The following CELF2 variants were observed in gnomAD, a reference collection of about 807,000 sequenced individuals.
The protein encoded by CELF2 is CUGBP Elav-like family member 2, also known as CUG triplet repeat RNA-binding protein 2.
In CELF2, 8 loss-of-function variants were observed where a neutral mutation model predicts 62.6. The observed-to-expected ratio is 0.13, with a 90% CI of 0.07 to 0.23. CELF2 has a LOEUF of 0.23. Among genes scored for constraint, CELF2 ranks in the 10% least tolerant of loss-of-function variants. The probability of loss-of-function intolerance (pLI) is 1.00; values close to 1 mark genes in which losing one functional copy is unlikely to be tolerated. For missense variants in CELF2, 333 were observed against 671.0 expected (o/e 0.50, Z 5.56); for synonymous variants, 258 against 250.0 (o/e 1.03, Z -0.30).
chr10:11,256,130 C>T (rs2078670257), intron 4 of CELF2, among the ~76,000 whole-genome samples: 1 of 152,266 alleles, frequency 6.6e-6, no homozygotes, highest in South Asian at 2.1e-4. Flanking sequence ...CTAGGCCCTT[C>T]AGGGCCGTGC....
At chr10:10,933,484 A>G (rs1253914236) in intron 2 of CELF2, among the ~76,000 whole-genome samples, 3 of 152,180 alleles carry the variant, frequency 2.0e-5, no homozygotes, top group Non-Finnish European at 4.4e-5. Context: ...ATAACATTTT[A>G]TAATTTTATA....
At position 11,318,895 on chromosome 10, in the gene CELF2, C is replaced by A; in HGVS notation, c.1097-2294C>A. On this transcript the variant is annotated intron_variant, in intron 10 of 12. Transcript: ENST00000633077. The surrounding 1 kb of genome is among the most constrained non-coding windows in gnomAD (Gnocchi z 5.4). The stretch of plus-strand genomic sequence containing the variant: ...CAGGAAGGATCCCCCGTGGGTCTCA[C>A]ATGACAGGGCCTGAAAACTCCCACC... 2.1e-6 allele frequency: 1 copy of A among 471,190 alleles called. No homozygotes were observed. The highest frequency in any genetic ancestry group is 1.5e-5 in the South Asian group (1 of 64,570). The allele number at this position is 471,190 out of a possible 1,614,324, so 29.2% of individuals were successfully genotyped here.
intron 2 of CELF2, among the ~76,000 whole-genome samples, chr10:10,973,280 C>CA (rs113845189): frequency 0.13 from 19,920 of 151,224 alleles, 4,456 homozygotes; most frequent in African/African-American, 0.46. Context: ...GACTCTGTCT[C>CA]AAAAAAACAA....
At chr10:10,840,230 G>A (rs886403844) in intron 1 of CELF2, among the ~76,000 whole-genome samples, 1 of 152,216 alleles carries the variant, frequency 6.6e-6, no homozygotes, top group Non-Finnish European at 1.5e-5. Flanking sequence ...TAACCTAGGA[G>A]CCTTATTGCT....
the CELF2 span, among the ~76,000 whole-genome samples, chr10:10,734,411 A>T: frequency 5.2e-4 from 79 of 152,144 alleles, no homozygotes; most frequent in Admixed American, 8.5e-4. Flanking sequence ...CACTGTCCAT[A>T]CACATCTGGT....
At chr10:10,967,102 C>G (rs1411372164) in intron 2 of CELF2, among the ~76,000 whole-genome samples, 1 of 152,186 alleles carries the variant, frequency 6.6e-6, no homozygotes, top group Non-Finnish European at 1.5e-5. Context: ...CACGGAGACT[C>G]CGGTGCTGCC....
At chr10:10,801,655 G>T (rs190563132) in intron 1 of CELF2, among the ~76,000 whole-genome samples, 338 of 152,288 alleles carry the variant, frequency 2.2e-3, no homozygotes, top group African/African-American at 7.9e-3. Flanking sequence ...ATTAACAAAT[G>T]AGTAGAACAT....
At chr10:10,610,292 A>G in the CELF2 span, among the ~76,000 whole-genome samples, 1 of 152,220 alleles carries the variant, frequency 6.6e-6, no homozygotes, top group Non-Finnish European at 1.5e-5. Context: ...CATGGTATGA[A>G]GAATTAAAAT....
chr10:11,060,082 G>T (rs2066363577), intron 1 of CELF2, among the ~76,000 whole-genome samples: 1 of 152,212 alleles, frequency 6.6e-6, no homozygotes, highest in Admixed American at 6.5e-5. Flanking sequence ...AGTTGGTGCT[G>T]TTGACTTCCT....
chr10:10,507,853 G>A, the CELF2 span, among the ~76,000 whole-genome samples: 1 of 152,162 alleles, frequency 6.6e-6, no homozygotes, highest in African/African-American at 2.4e-5. Context: ...GATCAGATGT[G>A]ATCTTTAATA....
chr10:10,687,994 AAAGT>A, the CELF2 span, among the ~76,000 whole-genome samples: 3 of 152,240 alleles, frequency 2.0e-5, no homozygotes, highest in Non-Finnish European at 4.4e-5. Flanking sequence ...TGTTCTTTCT[AAAGT>A]ACAGACTCAC....
In CELF2 at chr10:10,876,794, G is replaced by C. The variant is rs956541498; in HGVS notation, c.54-43170G>C. Among the ~76,000 whole-genome samples, 6 of 152,192 alleles carry C rather than the reference G, an allele frequency of 3.9e-5. 1 individual carries two copies. Among genetic ancestry groups the C allele is most frequent in the Admixed American group, 3.3e-4 (5 of 15,280 alleles). ...AAGCATCATCATGCACTCCAGATAA[G>C]AGTGATATTTCAGATATAAATTAAG... is the stretch of plus-strand genomic sequence containing the variant. On this transcript the variant is annotated intron_variant, in intron 1 of 13. Transcript: ENST00000636488.
rs2064546247 is a variant in CELF2 at position 11,220,537 on chromosome 10, G to C, written c.354+3030G>C. Among the ~76,000 whole-genome samples, 1 of 152,194 alleles carries C rather than the reference G, an allele frequency of 6.6e-6. No individual in the cohort carries two copies. On this transcript the variant is annotated intron_variant, in intron 3 of 12. Coordinates refer to ENST00000633077, the MANE Select transcript of CELF2 (RefSeq NM_001326342.2). This position sits in a 1 kb window ranked among gnomAD's most constrained non-coding sequence, Gnocchi z 4.4. The stretch of plus-strand genomic sequence containing the variant: ...GGAGAAACGACTCCCAGATTGAGGT[G>C]ACAGATCAGGGCTCTTACGGAGCAG...
the CELF2 span, among the ~76,000 whole-genome samples, chr10:10,779,316 C>T: frequency 6.6e-6 from 1 of 152,210 alleles, no homozygotes; most frequent in Admixed American, 6.5e-5. Flanking sequence ...CTTAATGCAA[C>T]ATATGGTTGG....
rs1462410626 is a variant in CELF2, at chr10:11,324,381, T to C, written c.1295-1455T>C. 6.6e-6 allele frequency among the ~76,000 whole-genome samples: 1 copy of C among 152,214 alleles called. No individual in the cohort carries two copies. The highest frequency in any genetic ancestry group is 2.4e-5 in the African/African-American group (1 of 41,450). ...CACACAGCAGTGCTCAGAACATCCC[T>C]TTCCAGTGTTTCAGGTTTTGCATCT... On this transcript the variant is annotated intron_variant, in intron 11 of 12. Transcript: ENST00000633077. The surrounding 1 kb of genome is among the most constrained non-coding windows in gnomAD (Gnocchi z 4.7).
intron 2 of CELF2, among the ~76,000 whole-genome samples, chr10:10,991,904 C>A (rs934924095): frequency 1.3e-5 from 2 of 152,214 alleles, no homozygotes; most frequent in Admixed American, 1.3e-4. Flanking sequence ...TCCTAAAACA[C>A]CCCTGTGCCA....
rs147231104 is a variant in CELF2 at position 11,296,950 on chromosome 10, G to A, written c.976+8398G>A. ...TCACAAGCATGGACATATGGAAAAG[G>A]ATGCCCACCGGGGACCCTGAGAGCC... On this transcript the variant is annotated intron_variant, in intron 9 of 12. Coordinates refer to ENST00000633077, the MANE Select transcript of CELF2 (RefSeq NM_001326342.2). This position sits in a 1 kb window ranked among gnomAD's most constrained non-coding sequence, Gnocchi z 5.0. Among the ~76,000 whole-genome samples, 160 of 152,338 alleles carry A rather than the reference G, an allele frequency of 1.1e-3. 1 individual carries two copies. Among genetic ancestry groups the A allele is most frequent in the Middle Eastern group, 3.4e-3 (1 of 294 alleles).
chr10:10,839,883 C>T (rs925690737), intron 1 of CELF2, among the ~76,000 whole-genome samples: 1 of 152,182 alleles, frequency 6.6e-6, no homozygotes, highest in Non-Finnish European at 1.5e-5. Context: ...ACCTCTTCAC[C>T]CTAAACTCTG....
the CELF2 span, among the ~76,000 whole-genome samples, chr10:10,513,643 A>G: frequency 6.6e-6 from 1 of 152,186 alleles, no homozygotes; most frequent in Non-Finnish European, 1.5e-5. Flanking sequence ...ATTACAGTAA[A>G]ATATCCAAGA....
Sources: allele counts gnomAD v4.1 joint callset (sites outside exome capture counted in the v4.1 genomes callset), GRCh38; gene constraint gnomAD v4.1.1; non-coding constraint Gnocchi (gnomAD v3.1); transcripts MANE v1.5; gene names NCBI Gene and HGNC (gene_info 2026-07-23, HGNC 2026-07-21).